PTPRC: variants seen among roughly 807,000 people sequenced by gnomAD.
PTPRC encodes the protein receptor-type tyrosine-protein phosphatase C.
PTPRC carries 44 observed loss-of-function variants against 155.9 expected under a neutral mutation model. That is an observed-to-expected ratio of 0.28 (90% confidence interval 0.22 to 0.36). The LOEUF is 0.36. Ranked by LOEUF, PTPRC falls within the 10% of genes least tolerant of loss-of-function variation. The pLI is 1.00. For synonymous variants in PTPRC, 525 were observed against 533.1 expected, an observed-to-expected ratio of 0.98 and a Z score of 0.21; for missense variants, 1,401 against 1,564.6, an observed-to-expected ratio of 0.90 and a Z score of 1.76.
intron 8 of PTPRC, 42 bp downstream of exon 8, chr1:198,704,540 T>G (rs1194257773): frequency 6.2e-7 from 1 of 1,613,912 alleles, no homozygotes; most frequent in South Asian, 1.1e-5. Context: ...CACTTTGGAA[T>G]AGCACTTTAA....
At chr1:198,687,390 G>T (rs1357595470) in intron 2 of PTPRC, among the ~76,000 whole-genome samples, 1 of 152,046 alleles carries the variant, frequency 6.6e-6, no homozygotes, top group Non-Finnish European at 1.5e-5. Flanking sequence ...CATATGAAGT[G>T]CAACAGACAA....
At chr1:198,699,020 A>G (rs1666339953) in intron 4 of PTPRC, among the ~76,000 whole-genome samples, 1 of 152,154 alleles carries the variant, frequency 6.6e-6, no homozygotes, top group Admixed American at 6.5e-5. Flanking sequence ...CAACCTTTTA[A>G]AACTCTGCCA....
At chr1:198,658,427 G>A (rs1663726705) in intron 2 of PTPRC, among the ~76,000 whole-genome samples, 2 of 152,144 alleles carry the variant, frequency 1.3e-5, no homozygotes, top group Non-Finnish European at 2.9e-5. Flanking sequence ...ATAAAGTGAT[G>A]TGGACTGTAA....
intron 14 of PTPRC, among the ~76,000 whole-genome samples, chr1:198,719,260 G>A (rs766762891): frequency 6.6e-6 from 1 of 151,974 alleles, no homozygotes; most frequent in Non-Finnish European, 1.5e-5. Context: ...TTATTTGGTG[G>A]TTGAAATATG....
intron 6 of PTPRC, 115 bp from the exon 7 acceptor site, chr1:198,703,183 G>T: frequency 1.4e-6 from 2 of 1,419,248 alleles, no homozygotes; most frequent in African/African-American, 1.4e-5. Context: ...CAAATCAAAC[G>T]AGGACTCCTA....
chr1:198,738,892 G>A (rs762909574), intron 23 of PTPRC, among the ~76,000 whole-genome samples: 1 of 151,740 alleles, frequency 6.6e-6, no homozygotes, highest in Admixed American at 6.6e-5. Flanking sequence ...AAGACATGGA[G>A]AGCAAAATAA....
chr1:198,708,107 A>C, intron 9 of PTPRC, 26 bp from the exon 10 acceptor site: 1 of 1,586,242 alleles, frequency 6.3e-7, no homozygotes, highest in Non-Finnish European at 8.6e-7. Context: ...ATACTAATCA[A>C]GTTTATTTCT....
intron 3 of PTPRC, among the ~76,000 whole-genome samples, chr1:198,695,375 A>G (rs1304800082): frequency 6.8e-6 from 1 of 146,116 alleles, no homozygotes; most frequent in Non-Finnish European, 1.5e-5. Context: ...CTAATTAAAT[A>G]TTTAAATTTT....
chr1:198,673,120 G>A (rs773100293), intron 2 of PTPRC, among the ~76,000 whole-genome samples: 5 of 151,226 alleles, frequency 3.3e-5, no homozygotes, highest in East Asian at 1.9e-4. Context: ...AAGACTAATC[G>A]TCTTCCTTTC....
intron 2 of PTPRC, among the ~76,000 whole-genome samples, chr1:198,674,306 A>G (rs1319646945): frequency 6.6e-6 from 1 of 152,166 alleles, no homozygotes; most frequent in Non-Finnish European, 1.5e-5. Flanking sequence ...ATTCACAACT[A>G]GTGAGTGAGA....
chr1:198,674,176 G>A (rs1228090536), intron 2 of PTPRC, among the ~76,000 whole-genome samples: 4 of 152,134 alleles, frequency 2.6e-5, no homozygotes, highest in Non-Finnish European at 5.9e-5. Context: ...CTTAGAGGTA[G>A]TGCCTCCTTT....
At chr1:198,661,156 A>G (rs1663939435) in intron 2 of PTPRC, among the ~76,000 whole-genome samples, 1 of 152,122 alleles carries the variant, frequency 6.6e-6, no homozygotes, top group Non-Finnish European at 1.5e-5. Flanking sequence ...ATTGAAACCA[A>G]TGTTTCTCAT....
At chr1:198,704,664 GGACATA>G in intron 8 of PTPRC, among the ~76,000 whole-genome samples, 166 bp downstream of exon 8, 1 of 152,276 alleles carries the variant, frequency 6.6e-6, no homozygotes, top group Middle Eastern at 3.4e-3. Context: ...AGCTACACAT[GGACATA>G]GAGTTGGGAA....
chr1:198,674,656 A>G (rs2102305303), intron 2 of PTPRC, among the ~76,000 whole-genome samples: 1 of 151,654 alleles, frequency 6.6e-6, no homozygotes, highest in African/African-American at 2.4e-5. Flanking sequence ...CACTCAATTT[A>G]AAAATGAAAG....
At chr1:198,654,438 A>T (rs1420282166) in intron 2 of PTPRC, among the ~76,000 whole-genome samples, 4 of 151,852 alleles carry the variant, frequency 2.6e-5, no homozygotes, top group African/African-American at 9.7e-5. Context: ...AAAATTAGGG[A>T]TTATATGGTA....
intron 26 of PTPRC, among the ~76,000 whole-genome samples, chr1:198,747,043 G>A (rs1418878621): frequency 1.3e-5 from 2 of 151,588 alleles, no homozygotes; most frequent in African/African-American, 2.4e-5. Flanking sequence ...AAATCTTACC[G>A]AATTGTACAT....
intron 2 of PTPRC, among the ~76,000 whole-genome samples, chr1:198,687,932 T>A (rs1665722535): frequency 6.6e-6 from 1 of 152,126 alleles, no homozygotes; most frequent in Non-Finnish European, 1.5e-5. Context: ...TCATTTATCA[T>A]GTTGACTAAA....
rs895114528 is a variant in PTPRC, at chr1:198,699,655, C to T, written c.390C>T (p.Ser130=). Reference sequence around the variant, plus strand: ...CTGACACGCAGACATTCAGCGGCTCCGCCGCCAATGCAAAACTCAACCCTA... The same window carrying T: ...CTGACACGCAGACATTCAGCGGCTCTGCCGCCAATGCAAAACTCAACCCTA... ...AGTDTQTFSG[S]AANAKLNPTP... The change falls in exon 5 of 33, where the codon TCC becomes TCT. Residue 130 remains serine (S), a synonymous_variant. Transcript: ENST00000442510. 2 of 1,614,084 alleles carry T rather than the reference C, an allele frequency of 1.2e-6. No individual in the cohort carries two copies. Among genetic ancestry groups the T allele is most frequent in the African/African-American group, 2.7e-5 (2 of 74,928 alleles).
At chr1:198,657,541 A>G (rs529112630) in intron 2 of PTPRC, 2 of 152,172 alleles carry the variant, frequency 1.3e-5, no homozygotes, top group Non-Finnish European at 2.9e-5. Flanking sequence ...ACAAAACAAA[A>G]CAAAAAAAAT....
Sources: allele counts gnomAD v4.1 joint callset (sites outside exome capture counted in the v4.1 genomes callset), GRCh38; gene constraint gnomAD v4.1.1; transcripts MANE v1.5; gene names NCBI Gene and HGNC (gene_info 2026-07-23, HGNC 2026-07-21).